The following SNX20 variants were observed in gnomAD, a reference collection of about 807,000 sequenced individuals.
SNX20 encodes the protein sorting nexin-20.
In SNX20, 21 loss-of-function variants were observed where a neutral mutation model predicts 24.5. That is an observed-to-expected ratio of 0.86 (90% CI 0.61 to 1.23). The LOEUF (loss-of-function observed/expected upper bound fraction) is 1.23, where lower values mean the gene tolerates loss of function less well. Among genes scored for constraint, SNX20 ranks in the 50% most tolerant of loss-of-function variants. The probability of loss-of-function intolerance (pLI) is 0.00; values close to 1 mark genes in which losing one functional copy is unlikely to be tolerated. For missense variants in SNX20, 433 were observed against 430.8 expected, an observed-to-expected ratio of 1.00 and a Z score of -0.04; for synonymous variants, 206 against 192.8, an observed-to-expected ratio of 1.07 and a Z score of -0.57.
chr16:50,673,419 T>C lies in SNX20; in HGVS notation c.938A>G (p.Glu313Gly). ...TCCCAGGCCGGCTCAGTGCAGGTATTCTCGCACAGTGAGCTCCTTCAGGGT... is the reference window on the plus strand; with the variant it reads ...TCCCAGGCCGGCTCAGTGCAGGTATCCTCGCACAGTGAGCTCCTTCAGGGT... ...GITLKELTVR[E>G]YLH The change falls in exon 4 of 4, where the codon GAA becomes GGA. Residue 313 changes from glutamate to glycine, a missense_variant. Coordinates refer to ENST00000330943, the MANE Select transcript of SNX20 (RefSeq NM_182854.4). This position sits in a 1 kb window ranked among gnomAD's most constrained non-coding sequence, Gnocchi z 4.1. 6.4e-7 allele frequency: 1 copy of C among 1,558,196 alleles called. No individual in the cohort carries two copies.
Position 50,673,099 on chromosome 16 carries a change from T to C in SNX20, c.*307A>G. On this transcript the variant is annotated 3_prime_UTR_variant, in exon 4 of 4. Transcript: ENST00000330943. The surrounding 1 kb of genome is among the most constrained non-coding windows in gnomAD (Gnocchi z 4.1). The stretch of plus-strand genomic sequence containing the variant: ...AGGAAGATCATTTAAGGTCAGAAGT[T>C]AGAGACCAGCCTGGGCAACAGAGAG... 4.2e-6 allele frequency: 1 copy of C among 236,218 alleles called. No individual in the cohort carries two copies. The highest frequency in any genetic ancestry group is 8.0e-6 in the Non-Finnish European group (1 of 125,284). The allele number at this position is 236,218 out of a possible 1,614,324, so 14.6% of individuals were successfully genotyped here. A position where few individuals can be genotyped will look rare whatever the true frequency, so the allele number is the denominator to read the frequency against.
Position 50,673,302 on chromosome 16 carries a change from TAAC to T in SNX20, c.*101_*103del, listed in dbSNP as rs1291553387. 1 of 1,394,132 alleles carries T rather than the reference TAAC, an allele frequency of 7.2e-7. No homozygotes were observed. The highest frequency in any genetic ancestry group is 9.3e-7 in the Non-Finnish European group (1 of 1,075,062). The allele number at this position is 1,394,132 out of a possible 1,614,324, so 86.4% of individuals were successfully genotyped here. ...GGTGACAGAGCAAGACTGTCTCAAA[TAAC>T]AAAAAAGAAAAGGAAAAATAAAAAA... On this transcript the variant is annotated 3_prime_UTR_variant, in exon 4 of 4. Coordinates refer to ENST00000330943, the MANE Select transcript of SNX20 (RefSeq NM_182854.4). This position sits in a 1 kb window ranked among gnomAD's most constrained non-coding sequence, Gnocchi z 4.1.
chr16:50,677,631 C>T, intron 1 of SNX20, 96 bp from the exon 2 acceptor site: 1 of 1,276,132 alleles, frequency 7.8e-7, no homozygotes, highest in Admixed American at 3.1e-5. Flanking sequence ...CCCCTCCTGG[C>T]AGGCAGAGGG....
At chr16:50,667,310 G>T, downstream of SNX20, 1 of 153,846 alleles carries the variant, frequency 6.5e-6, no homozygotes, top group Non-Finnish European at 1.4e-5. Flanking sequence ...GGGTGGTGGG[G>T]GGGTAGTTTC....
In SNX20 at chr16:50,673,300, A is replaced by G. The variant is rs1028764461; in HGVS notation, c.*106T>C. 7.2e-7 allele frequency: 1 copy of G among 1,393,492 alleles called. No individual in the cohort carries two copies. The highest frequency in any genetic ancestry group is 1.5e-5 in the African/African-American group (1 of 66,830). 86.3% of individuals were successfully genotyped at this position (1,393,492 alleles called of 1,614,324 possible). A position where few individuals can be genotyped will look rare whatever the true frequency, so the allele number is the denominator to read the frequency against. On this transcript the variant is annotated 3_prime_UTR_variant, in exon 4 of 4. Coordinates refer to ENST00000330943, the MANE Select transcript of SNX20 (RefSeq NM_182854.4). This position sits in a 1 kb window ranked among gnomAD's most constrained non-coding sequence, Gnocchi z 4.1. ...TGGGTGACAGAGCAAGACTGTCTCA[A>G]ATAACAAAAAAGAAAAGGAAAAATA...
In SNX20 at chr16:50,672,749, A is replaced by G. The variant is rs2150760114; in HGVS notation, c.*657T>C. On this transcript the variant is annotated 3_prime_UTR_variant, in exon 4 of 4. Coordinates refer to ENST00000330943, the MANE Select transcript of SNX20 (RefSeq NM_182854.4). ...GGAAATGGACTAAGTTTTGTCTAGA[A>G]TGTGTGAGGTAAACTTCTTCTCCAG... 1 of 152,306 alleles carries G rather than the reference A, an allele frequency of 6.6e-6. No individual in the cohort carries two copies. The highest frequency in any genetic ancestry group is 2.1e-4 in the South Asian group (1 of 4,826). 9.4% of individuals were successfully genotyped at this position (152,306 alleles called of 1,614,324 possible). A position where few individuals can be genotyped will look rare whatever the true frequency, so the allele number is the denominator to read the frequency against.
intron 1 of SNX20, among the ~76,000 whole-genome samples, chr16:50,678,038 C>G (rs1436650488): frequency 1.3e-5 from 2 of 150,608 alleles, no homozygotes; most frequent in Non-Finnish European, 2.9e-5. Context: ...GAGACCCCGT[C>G]TCTAGAAAAA....
At chr16:50,668,327 A>G (rs1962963031), downstream of SNX20, 1 of 1,271,088 alleles carries the variant, frequency 7.9e-7, no homozygotes, top group Non-Finnish European at 1.0e-6. Flanking sequence ...GCAGGTCTCT[A>G]ATGCTTATTT....
chr16:50,668,268 T>A (rs1260734962), downstream of SNX20: 42 of 1,415,402 alleles, frequency 3.0e-5, no homozygotes, highest in Non-Finnish European at 5.5e-6. Flanking sequence ...CAGGACAACA[T>A]TTTCCAGTCC....
At chr16:50,669,294 C>T, downstream of SNX20, 1 of 595,128 alleles carries the variant, frequency 1.7e-6, no homozygotes, top group Non-Finnish European at 3.0e-6. Context: ...AAGCATGGCA[C>T]CAGCATTGCT....
At chr16:50,668,168 G>A (rs1962959368), downstream of SNX20, 7 of 1,534,848 alleles carry the variant, frequency 4.6e-6, no homozygotes, top group East Asian at 1.7e-4. Context: ...AGTCTCCAGG[G>A]TGCTTGGGCA....
At chr16:50,678,578 A>G (rs1227209440) in intron 1 of SNX20, among the ~76,000 whole-genome samples, 1 of 152,210 alleles carries the variant, frequency 6.6e-6, no homozygotes, top group African/African-American at 2.4e-5. Flanking sequence ...ATGATAAGGG[A>G]ACTGAGACTT....
Position 50,673,909 on chromosome 16 carries a change from C to T in SNX20, c.448G>A (p.Ala150Thr), listed in dbSNP as rs376793244. The T allele has an allele frequency of 3.7e-6, 6 of 1,611,602 alleles. No homozygotes were observed. The highest frequency in any genetic ancestry group is 1.6e-4 in the Middle Eastern group (1 of 6,062). The change falls in exon 4 of 4, where the codon GCT (alanine) becomes ACT (threonine). Residue 150 changes from alanine (A) to threonine (T), a missense_variant. By Grantham distance (58) the Ala-to-Thr change is moderately conservative. Coordinates refer to ENST00000330943, the MANE Select transcript of SNX20 (RefSeq NM_182854.4). The surrounding 1 kb of genome is among the most constrained non-coding windows in gnomAD (Gnocchi z 4.1). Reference protein sequence around the residue: ...FPRKHLTGNFAEEMICERRRA... With the variant: ...FPRKHLTGNFTEEMICERRRA... ...CGACGCTCACAGATCATCTCCTCAGCGAAGTTCCCAGTCAGGTGCTTCCTG... is the reference window on the plus strand; with the variant it reads ...CGACGCTCACAGATCATCTCCTCAGTGAAGTTCCCAGTCAGGTGCTTCCTG...
intron 2 of SNX20, 124 bp downstream of exon 2, chr16:50,677,273 T>C: frequency 7.7e-7 from 1 of 1,293,950 alleles, no homozygotes; most frequent in South Asian, 1.6e-5. Flanking sequence ...AGTGTCTGTT[T>C]TGGGATAACC....
chr16:50,674,259 TTA>T (rs1963135362), intron 3 of SNX20, among the ~76,000 whole-genome samples, 185 bp from the exon 4 acceptor site: 2 of 150,688 alleles, frequency 1.3e-5, no homozygotes, highest in African/African-American at 2.5e-5. Context: ...ATTTATTTAT[TTA>T]TTTTTAGAGA....
downstream of SNX20, chr16:50,668,287 A>G (rs914491762): frequency 6.2e-5 from 87 of 1,397,490 alleles, no homozygotes; most frequent in Non-Finnish European, 7.7e-5. Context: ...CCTTCTGAGT[A>G]AATCAAAGAG....
chr16:50,674,081 C>A lies in SNX20; in HGVS notation c.283-7G>T, dbSNP rs775399536. On this transcript the variant is annotated splice_region_variant and splice_polypyrimidine_tract_variant and intron_variant, in intron 3 of 3. Coordinates refer to ENST00000330943, the MANE Select transcript of SNX20 (RefSeq NM_182854.4). The stretch of plus-strand genomic sequence containing the variant: ...TGACGATGATTTGGTACACCTAGGG[C>A]GCAACCAGAGAGAGCTGTGGCCACC... The A allele has an allele frequency of 1.3e-5, 20 of 1,585,164 alleles. No individual in the cohort carries two copies. The African/African-American group carries it at 2.7e-4, about 21-fold the overall frequency.
At chr16:50,680,478 T>A (rs909220148) in intron 1 of SNX20, among the ~76,000 whole-genome samples, 3 of 152,136 alleles carry the variant, frequency 2.0e-5, no homozygotes, top group Non-Finnish European at 4.4e-5. Flanking sequence ...TCCCCAGGTG[T>A]CCTAACCACC....
chr16:50,668,977 A>C (rs1962977984), downstream of SNX20: 38 of 1,546,154 alleles, frequency 2.5e-5, no homozygotes, highest in Non-Finnish European at 3.2e-5. Flanking sequence ...CCCTAGGCCC[A>C]GCTGGATGAC....
Sources: gnomAD v4.1 joint callset for allele counts (sites outside exome capture counted in the v4.1 genomes callset) on GRCh38, gnomAD v4.1.1 for gene constraint, Gnocchi (gnomAD v3.1) non-coding constraint, MANE v1.5 for transcripts, NCBI Gene and HGNC (gene_info 2026-07-23, HGNC 2026-07-21) for gene names.